THAP4: variants seen among roughly 807,000 people sequenced by gnomAD.
THAP4 encodes the protein THAP domain containing 4.
THAP4 carries 18 observed loss-of-function variants against 48.1 expected under a neutral mutation model. That is an observed-to-expected ratio of 0.37 (90% CI 0.26 to 0.56). THAP4 has a LOEUF of 0.56. Among genes scored for constraint, THAP4 ranks in the 20% least tolerant of loss-of-function variants. THAP4 has a pLI of 0.78. For missense variants in THAP4, 656 were observed against 774.9 expected (o/e 0.85, Z 1.82); for synonymous variants, 345 against 324.9 (o/e 1.06, Z -0.66).
At chr2:241,609,080 T>A (rs2067227976) in intron 2 of THAP4, among the ~76,000 whole-genome samples, 1 of 152,034 alleles carries the variant, frequency 6.6e-6, no homozygotes, top group Non-Finnish European at 1.5e-5. Flanking sequence ...AGGGACGAGG[T>A]CTCTGACTGC....
At chr2:241,605,286 C>A (rs1183265612) in intron 3 of THAP4, among the ~76,000 whole-genome samples, 1 of 152,126 alleles carries the variant, frequency 6.6e-6, no homozygotes, top group Non-Finnish European at 1.5e-5. Context: ...GCCAGGTGCC[C>A]AGCCCCGTTC....
intron 5 of THAP4, among the ~76,000 whole-genome samples, chr2:241,591,110 AG>A (rs2066971374): frequency 3.6e-5 from 2 of 55,950 alleles, no homozygotes; most frequent in African/African-American, 6.4e-5. Flanking sequence ...CAGAACTGCC[AG>A]GCTGACGATG....
chr2:241,633,317 C>T lies in THAP4; in HGVS notation c.840G>A (p.Leu280=). The T allele has an allele frequency of 6.2e-7, 1 of 1,612,418 alleles. No individual in the cohort carries two copies. The highest frequency in any genetic ancestry group is 8.5e-7 in the Non-Finnish European group (1 of 1,179,996). ...GTGATGAGCTGGGAGGGCTCTGGGC[C>T]AGGCCCTTGTCGGGTCCCAGGCTGC... ...SGSSLGPDKG[L]AQSPPSSSLT... is the part of the protein sequence containing the mutation. The change falls in exon 2 of 6, where the codon CTG becomes CTA. Residue 280 remains leucine (L), a synonymous_variant. Coordinates refer to ENST00000407315, the MANE Select transcript of THAP4 (RefSeq NM_015963.6). The surrounding 1 kb of genome is among the most constrained non-coding windows in gnomAD (Gnocchi z 7.5).
intron 2 of THAP4, among the ~76,000 whole-genome samples, chr2:241,613,316 C>G (rs2067300868): frequency 1.3e-5 from 2 of 148,504 alleles, no homozygotes; most frequent in Admixed American, 6.7e-5. Flanking sequence ...CAAAAAAAAA[C>G]TGGTTATAGG....
chr2:241,590,923 G>A (rs1167179111), intron 5 of THAP4, among the ~76,000 whole-genome samples: 3 of 143,022 alleles, frequency 2.1e-5, no homozygotes, highest in Admixed American at 6.9e-5. Flanking sequence ...CCCGGCTGAC[G>A]ATGATGGGCA....
At chr2:241,621,695 A>G (rs34274351) in intron 2 of THAP4, among the ~76,000 whole-genome samples, 54,046 of 152,040 alleles carry the variant, frequency 0.36, 10,182 homozygotes, top group East Asian at 0.62. Flanking sequence ...AGAAAGAGAT[A>G]AAAGGAGCAG....
rs777897132 is a variant in THAP4 at position 241,633,494 on chromosome 2, A to G, written c.663T>C (p.Phe221=). 1 of 1,614,120 alleles carries G rather than the reference A, an allele frequency of 6.2e-7. No homozygotes were observed. Among genetic ancestry groups the G allele is most frequent in the South Asian group, 1.1e-5 (1 of 91,082 alleles). Residue 221 remains phenylalanine, a synonymous_variant, in exon 2 of 6, where the codon TTT becomes TTC. Coordinates refer to ENST00000407315, the MANE Select transcript of THAP4 (RefSeq NM_015963.6). The surrounding 1 kb of genome is among the most constrained non-coding windows in gnomAD (Gnocchi z 7.5). ...TDKSGISMDD[F]TPPGSGACKF... ...TGCACGCCCCAGATCCTGGGGGCGTAAAGTCATCCATAGAAATGCCACTCT... is the reference window on the plus strand; with the variant it reads ...TGCACGCCCCAGATCCTGGGGGCGTGAAGTCATCCATAGAAATGCCACTCT...
At chr2:241,595,465 C>T (rs2067036198) in intron 5 of THAP4, among the ~76,000 whole-genome samples, 1 of 151,928 alleles carries the variant, frequency 6.6e-6, no homozygotes, top group Non-Finnish European at 1.5e-5. Flanking sequence ...TGGAGAAACC[C>T]CATCTTTAAT....
chr2:241,588,622 C>A (rs954576270), intron 5 of THAP4, among the ~76,000 whole-genome samples: 5 of 152,130 alleles, frequency 3.3e-5, no homozygotes, highest in Non-Finnish European at 7.3e-5. Context: ...GGGGAAGAAC[C>A]ACACACACAA....
intron 2 of THAP4, among the ~76,000 whole-genome samples, chr2:241,630,149 A>G (rs1207941186): frequency 6.6e-6 from 1 of 152,172 alleles, no homozygotes; most frequent in African/African-American, 2.4e-5. Context: ...TGTGCACTGA[A>G]AAATCTGTCA....
At position 241,606,306 on chromosome 2, in the gene THAP4, C is replaced by A; in HGVS notation, c.1400+8G>T. 1 of 1,546,976 alleles carries A rather than the reference C, an allele frequency of 6.5e-7. No homozygotes were observed. Among genetic ancestry groups the A allele is most frequent in the Non-Finnish European group, 8.7e-7 (1 of 1,143,232 alleles). ...TCAAGCAGGGTGGGGTGGAGGGAGA[C>A]AACTTACGAGAAGTTCAGCATGGGC... is the stretch of plus-strand genomic sequence containing the variant. On this transcript the variant is annotated splice_region_variant and intron_variant, in intron 3 of 5. Coordinates refer to ENST00000407315, the MANE Select transcript of THAP4 (RefSeq NM_015963.6).
At chr2:241,613,742 G>A (rs1187018996) in intron 2 of THAP4, among the ~76,000 whole-genome samples, 2 of 152,016 alleles carry the variant, frequency 1.3e-5, no homozygotes, top group Non-Finnish European at 1.5e-5. Context: ...GTGACAGAGC[G>A]AGACCCTGTC....
chr2:241,624,452 A>G (rs1471549777), intron 2 of THAP4, among the ~76,000 whole-genome samples: 1 of 151,248 alleles, frequency 6.6e-6, no homozygotes, highest in Non-Finnish European at 1.5e-5. Flanking sequence ...GCGCCACTGT[A>G]CTCCAGCCTG....
chr2:241,627,466 C>T (rs1575038049), intron 2 of THAP4, among the ~76,000 whole-genome samples: 1 of 152,288 alleles, frequency 6.6e-6, no homozygotes, highest in East Asian at 1.9e-4. Flanking sequence ...CTCAAGGAAT[C>T]GCTGCTGGCG....
chr2:241,623,650 GA>G (rs748966231), intron 2 of THAP4, among the ~76,000 whole-genome samples: 3 of 151,330 alleles, frequency 2.0e-5, no homozygotes, highest in African/African-American at 7.3e-5. Flanking sequence ...AAAAAGAAGG[GA>G]GGGGGTCAAT....
intron 2 of THAP4, among the ~76,000 whole-genome samples, chr2:241,611,756 G>GAAA (rs1303929797): frequency 7.3e-5 from 11 of 151,590 alleles, no homozygotes; most frequent in African/African-American, 2.7e-4. Flanking sequence ...AAGAAAGAAA[G>GAAA]GCATGCTGCT....
intron 2 of THAP4, among the ~76,000 whole-genome samples, chr2:241,626,398 G>A (rs772745519): frequency 2.6e-5 from 4 of 151,886 alleles, no homozygotes; most frequent in East Asian, 1.9e-4. Context: ...CCTAGATATC[G>A]CCATTGCACT....
chr2:241,585,930 G>GAAAAAA (rs1247935159), intron 5 of THAP4, among the ~76,000 whole-genome samples: 1 of 108,984 alleles, frequency 9.2e-6, no homozygotes. Flanking sequence ...AAAAAAAAAA[G>GAAAAAA]AAAAAAAAAA....
At chr2:241,627,667 G>A (rs1049451466) in intron 2 of THAP4, among the ~76,000 whole-genome samples, 1 of 152,300 alleles carries the variant, frequency 6.6e-6, no homozygotes, top group Admixed American at 6.5e-5. Flanking sequence ...GACCCAAAGA[G>A]TCTGTCACTG....
Sources: allele counts gnomAD v4.1 joint callset (sites outside exome capture counted in the v4.1 genomes callset), GRCh38; gene constraint gnomAD v4.1.1; non-coding constraint Gnocchi (gnomAD v3.1); transcripts MANE v1.5; gene names NCBI Gene and HGNC (gene_info 2026-07-23, HGNC 2026-07-21).